CNTNAP2: variants seen among roughly 807,000 people sequenced by gnomAD.
CNTNAP2 encodes the protein contactin-associated protein-like 2.
In CNTNAP2, 98 loss-of-function variants were observed where a neutral mutation model predicts 155.2. The observed-to-expected ratio is 0.63, with a 90% CI of 0.54 to 0.75. CNTNAP2 has a LOEUF of 0.75. Among genes scored for constraint, CNTNAP2 ranks in the 30% least tolerant of loss-of-function variants. The probability of loss-of-function intolerance (pLI) is 0.00; values close to 1 mark genes in which losing one functional copy is unlikely to be tolerated. For synonymous variants in CNTNAP2, 651 were observed against 631.2 expected, an observed-to-expected ratio of 1.03 and a Z score of -0.47; for missense variants, 1,727 against 1,688.1, an observed-to-expected ratio of 1.02 and a Z score of -0.40.
rs146399602 is a variant in CNTNAP2, at chr7:146,417,966, G to A, written c.97+300993G>A. ...TTACCAGATACACTGTTCTTGAAGT[G>A]CTTACCTTCCAGTTGGGGGATATAA... is the stretch of plus-strand genomic sequence containing the variant. On this transcript the variant is annotated intron_variant, in intron 1 of 23. Transcript: ENST00000361727. Among the ~76,000 whole-genome samples the A allele has an allele frequency of 3.6e-3, 538 of 147,512 alleles. 4 individuals carry two copies. The highest frequency in any genetic ancestry group is 6.4e-3 in the Non-Finnish European group (429 of 67,186).
chr7:146,978,775 A>G (rs781054198), intron 3 of CNTNAP2, among the ~76,000 whole-genome samples: 1 of 151,882 alleles, frequency 6.6e-6, no homozygotes, highest in Non-Finnish European at 1.5e-5. Flanking sequence ...AGAAATGAGT[A>G]TTACATGTTA....
intron 3 of CNTNAP2, among the ~76,000 whole-genome samples, chr7:146,953,931 T>C (rs1797376843): frequency 6.6e-6 from 1 of 151,980 alleles, no homozygotes; most frequent in South Asian, 2.1e-4. Context: ...GAAATGTAAA[T>C]TAAAGGCAGT....
chr7:147,912,987 C>G (rs17237331), intron 14 of CNTNAP2, among the ~76,000 whole-genome samples: 35 of 152,044 alleles, frequency 2.3e-4, no homozygotes, highest in African/African-American at 8.0e-4. Context: ...TCTTCAGGGA[C>G]GCCTCCTGTA....
intron 9 of CNTNAP2, among the ~76,000 whole-genome samples, chr7:147,329,185 T>C (rs1025999477): frequency 6.6e-6 from 1 of 151,964 alleles, no homozygotes; most frequent in Non-Finnish European, 1.5e-5. Flanking sequence ...CACAGGTATG[T>C]ATACCACATT....
In CNTNAP2 at chr7:146,300,777, A is replaced by G. The variant is rs540146086; in HGVS notation, c.97+183804A>G. ...ATAAATCAAAATAGGCATTATTGAA[A>G]AGCAGCAACATAAATGTATGTCATT... On this transcript the variant is annotated intron_variant, in intron 1 of 23. Transcript: ENST00000361727. 6.6e-5 allele frequency among the ~76,000 whole-genome samples: 10 copies of G among 152,270 alleles called. No individual in the cohort carries two copies. The South Asian group carries it at 2.1e-3, about 32-fold the overall frequency.
intron 16 of CNTNAP2, among the ~76,000 whole-genome samples, chr7:148,125,130 T>C (rs1037850564): frequency 3.3e-5 from 5 of 152,138 alleles, no homozygotes; most frequent in Non-Finnish European, 5.9e-5. Context: ...GAGTACCTGC[T>C]ATGTGTGTAC....
intron 1 of CNTNAP2, among the ~76,000 whole-genome samples, chr7:146,416,760 T>A (rs1258147455): frequency 6.6e-6 from 1 of 152,104 alleles, no homozygotes; most frequent in Non-Finnish European, 1.5e-5. Flanking sequence ...ATCTTTCTAG[T>A]GCATTTCAAG....
intron 1 of CNTNAP2, among the ~76,000 whole-genome samples, chr7:146,692,789 T>A (rs988676961): frequency 6.6e-5 from 10 of 152,158 alleles, no homozygotes; most frequent in Non-Finnish European, 1.3e-4. Context: ...GTGTAAATTA[T>A]GTATGTGATA....
chr7:146,355,901 C>G (rs1056088867), intron 1 of CNTNAP2, among the ~76,000 whole-genome samples: 2 of 152,006 alleles, frequency 1.3e-5, no homozygotes, highest in Non-Finnish European at 2.9e-5. Context: ...AAGCATTGAT[C>G]TCATCTTTGC....
At chr7:148,382,148 C>T (rs995993943) in intron 21 of CNTNAP2, among the ~76,000 whole-genome samples, 1 of 152,248 alleles carries the variant, frequency 6.6e-6, no homozygotes, top group Admixed American at 6.5e-5. Flanking sequence ...TTTGCCAGGG[C>T]TCATTCCTGC....
chr7:146,300,511 G>A (rs934574569), intron 1 of CNTNAP2, among the ~76,000 whole-genome samples: 1 of 152,000 alleles, frequency 6.6e-6, no homozygotes, highest in Non-Finnish European at 1.5e-5. Context: ...ACTAAAAACA[G>A]CCAGACTTAA....
At chr7:147,918,359 A>G (rs1800197936) in intron 14 of CNTNAP2, among the ~76,000 whole-genome samples, 1 of 152,224 alleles carries the variant, frequency 6.6e-6, no homozygotes, top group South Asian at 2.1e-4. Flanking sequence ...ACCCACATAG[A>G]CATACACTCA....
chr7:148,239,471 A>G (rs1534701), intron 20 of CNTNAP2, among the ~76,000 whole-genome samples: 108,665 of 152,048 alleles, frequency 0.71, 40,065 homozygotes, highest in East Asian at 0.95. Context: ...ATGAGTCAGA[A>G]TTCATTTTTT....
intron 3 of CNTNAP2, among the ~76,000 whole-genome samples, chr7:146,906,072 C>G (rs926184250): frequency 6.6e-6 from 1 of 152,224 alleles, no homozygotes; most frequent in Non-Finnish European, 1.5e-5. Context: ...GTCACTCCCA[C>G]CCGAATATTG....
At chr7:147,129,006 A>G (rs1437505836) in intron 7 of CNTNAP2, among the ~76,000 whole-genome samples, 170 bp downstream of exon 7, 1 of 152,192 alleles carries the variant, frequency 6.6e-6, no homozygotes, top group African/African-American at 2.4e-5. Flanking sequence ...GATACTTGCT[A>G]TTCTTTGAGA....
chr7:146,667,528 T>C (rs372806592), intron 1 of CNTNAP2, among the ~76,000 whole-genome samples: 9 of 152,060 alleles, frequency 5.9e-5, no homozygotes, highest in African/African-American at 2.2e-4. Flanking sequence ...TGTATTTTTA[T>C]AGAGAAGGCA....
chr7:146,445,927 C>T (rs1414596343), intron 1 of CNTNAP2, among the ~76,000 whole-genome samples: 2 of 152,012 alleles, frequency 1.3e-5, no homozygotes, highest in Non-Finnish European at 2.9e-5. Context: ...ACAGGCAACC[C>T]TAAGAAGATA....
chr7:146,520,695 A>G (rs1299099354), intron 1 of CNTNAP2, among the ~76,000 whole-genome samples: 1 of 151,926 alleles, frequency 6.6e-6, no homozygotes, highest in East Asian at 1.9e-4. Context: ...GATATAGTAC[A>G]TTACAAAAAG....
At chr7:147,592,258 T>G (rs73744510) in intron 12 of CNTNAP2, among the ~76,000 whole-genome samples, 1,557 of 152,272 alleles carry the variant, frequency 0.01, 29 homozygotes, top group African/African-American at 0.036. Flanking sequence ...AGAAACATTT[T>G]TGTATATTAT....
Sources: allele counts gnomAD v4.1 joint callset (sites outside exome capture counted in the v4.1 genomes callset), GRCh38; gene constraint gnomAD v4.1.1; transcripts MANE v1.5; gene names NCBI Gene and HGNC (gene_info 2026-07-23, HGNC 2026-07-21).